ADGRL4: variants seen among roughly 807,000 people sequenced by gnomAD.
ADGRL4 encodes the protein EGF, latrophilin and seven transmembrane domain containing 1.
Under a neutral mutation model 74.8 loss-of-function variants are expected in ADGRL4, and 90 were observed. The ratio of observed to expected loss-of-function variants is 1.20; its 90% CI spans 1.02 to 1.43. ADGRL4 has a LOEUF of 1.43. ADGRL4 is among the 40% of genes most tolerant of loss of function. The pLI is 0.00. For synonymous variants in ADGRL4, 311 were observed against 279.2 expected, an observed-to-expected ratio of 1.11 and a Z score of -1.14; for missense variants, 881 against 814.3, an observed-to-expected ratio of 1.08 and a Z score of -1.00.
intron 2 of ADGRL4, among the ~76,000 whole-genome samples, chr1:78,986,126 C>A (rs1030173789): frequency 6.6e-5 from 10 of 151,680 alleles, no homozygotes; most frequent in African/African-American, 1.9e-4. Flanking sequence ...CTGTGACACA[C>A]AATTTACGTA....
chr1:78,920,300 G>A lies in ADGRL4; in HGVS notation c.1344C>T (p.Thr448=). 6.2e-7 allele frequency: 1 copy of A among 1,611,396 alleles called. No homozygotes were observed. The highest frequency in any genetic ancestry group is 1.3e-5 in the African/African-American group (1 of 74,844). The change falls in exon 10 of 15, where the codon ACC becomes ACT. Residue 448 remains threonine (T), a synonymous_variant. Coordinates refer to ENST00000370742, the MANE Select transcript of ADGRL4 (RefSeq NM_022159.4). ...TTTGAATTTCACTGAAGAACCAGAAGGTAAAAATGCATATGGCAAGACAAA... is the reference window on the plus strand; with the variant it reads ...TTTGAATTTCACTGAAGAACCAGAAAGTAAAAATGCATATGGCAAGACAAA... ...SLICLAICIF[T]FWFFSEIQST... is the part of the protein sequence containing the mutation.
At chr1:78,912,105 C>T (rs1257590357) in intron 12 of ADGRL4, among the ~76,000 whole-genome samples, 2 of 151,828 alleles carry the variant, frequency 1.3e-5, no homozygotes, top group Non-Finnish European at 2.9e-5. Context: ...GAATGCAGCT[C>T]CCCAAAGACC....
Position 78,985,514 on chromosome 1 carries a change from T to G in ADGRL4, c.172+19556A>C, listed in dbSNP as rs188134927. 9.2e-5 allele frequency among the ~76,000 whole-genome samples: 14 copies of G among 152,002 alleles called. No homozygotes were observed. In the East Asian group the frequency reaches 2.7e-3, roughly 29 times the overall value. ...TAGTATGTTAATTTCGACCTTTAAC[T>G]GTTGTTACACAATTGGTATAATATA... On this transcript the variant is annotated intron_variant, in intron 2 of 14. Transcript: ENST00000370742.
intron 8 of ADGRL4, among the ~76,000 whole-genome samples, chr1:78,924,343 T>G (rs1649069544): frequency 6.6e-6 from 1 of 152,064 alleles, no homozygotes; most frequent in Admixed American, 6.6e-5. Context: ...TGACCTTCTC[T>G]GCTTCCTCTT....
chr1:78,957,190 A>G (rs2100704632), intron 2 of ADGRL4, among the ~76,000 whole-genome samples: 1 of 152,192 alleles, frequency 6.6e-6, no homozygotes, highest in Admixed American at 6.5e-5. Flanking sequence ...AGCCCTCCCT[A>G]TTTCCTGAGA....
intron 2 of ADGRL4, among the ~76,000 whole-genome samples, chr1:78,988,211 G>C (rs1289867136): frequency 6.6e-6 from 1 of 151,668 alleles, no homozygotes; most frequent in Non-Finnish European, 1.5e-5. Flanking sequence ...AACTTAAGTT[G>C]ATGATCAGCT....
chr1:78,934,508 CA>C (rs1649313543), intron 7 of ADGRL4, among the ~76,000 whole-genome samples: 1 of 151,994 alleles, frequency 6.6e-6, no homozygotes, highest in Non-Finnish European at 1.5e-5. Context: ...AACTTCATGA[CA>C]AAAACACCAA....
At chr1:79,001,114 C>T (rs6695019) in intron 2 of ADGRL4, among the ~76,000 whole-genome samples, 63,707 of 144,102 alleles carry the variant, frequency 0.44, 13,705 homozygotes, top group East Asian at 0.6. Context: ...AAAGAGAGAA[C>T]GAAGGAAAAG....
intron 2 of ADGRL4, among the ~76,000 whole-genome samples, chr1:78,961,078 C>G (rs574769202): frequency 6.6e-6 from 1 of 151,728 alleles, no homozygotes; most frequent in African/African-American, 2.4e-5. Flanking sequence ...TTTTATGACT[C>G]TATATACTTC....
At chr1:78,896,405 G>A (rs908635703) in intron 12 of ADGRL4, among the ~76,000 whole-genome samples, 1 of 152,018 alleles carries the variant, frequency 6.6e-6, no homozygotes, top group African/African-American at 2.4e-5. Context: ...AATAGGCATT[G>A]TGAGTTAAAG....
rs1570203630 is a variant in ADGRL4 at position 78,891,226 on chromosome 1, A to T, written c.2011-10T>A. 1 of 1,207,616 alleles carries T rather than the reference A, an allele frequency of 8.3e-7. No individual in the cohort carries two copies. Among genetic ancestry groups the T allele is most frequent in the East Asian group, 2.2e-5 (1 of 44,520 alleles). 74.8% of individuals were successfully genotyped at this position (1,207,616 alleles called of 1,614,324 possible). ...AATATTCTTCTTGAATCTAAAAATT[A>T]AAAAAAGGAAAGGAAGAAATGTTAA... On this transcript the variant is annotated splice_polypyrimidine_tract_variant and intron_variant, in intron 14 of 14. Coordinates refer to ENST00000370742, the MANE Select transcript of ADGRL4 (RefSeq NM_022159.4).
intron 2 of ADGRL4, among the ~76,000 whole-genome samples, chr1:78,981,075 G>A (rs1650388642): frequency 6.6e-6 from 1 of 151,764 alleles, no homozygotes; most frequent in African/African-American, 2.4e-5. Flanking sequence ...TAATCTTTGT[G>A]ACACCTCTCA....
rs575856945 is a variant in ADGRL4, at chr1:78,971,200, C to T, written c.173-24774G>A. Among the ~76,000 whole-genome samples the T allele has an allele frequency of 4.5e-4, 68 of 152,168 alleles. 1 individual carries two copies. The highest frequency in any genetic ancestry group is 8.4e-4 in the Non-Finnish European group (57 of 68,020). ...CTGCTATTTTCCCCAAACAGCACCC[C>T]CTGACAGCAGGAAGCAGTTAAGATA... On this transcript the variant is annotated intron_variant, in intron 2 of 14. Coordinates refer to ENST00000370742, the MANE Select transcript of ADGRL4 (RefSeq NM_022159.4).
chr1:78,983,942 G>C (rs574231195), intron 2 of ADGRL4, among the ~76,000 whole-genome samples: 1 of 151,866 alleles, frequency 6.6e-6, no homozygotes, highest in East Asian at 1.9e-4. Flanking sequence ...GCCATCTTCA[G>C]ATAAACAAAC....
intron 2 of ADGRL4, among the ~76,000 whole-genome samples, chr1:79,001,202 GAA>G (rs1650834957): frequency 5.1e-5 from 4 of 79,206 alleles, no homozygotes; most frequent in Non-Finnish European, 8.0e-5. Context: ...AGGAAGGAAG[GAA>G]GGAAGGGAGG....
intron 12 of ADGRL4, among the ~76,000 whole-genome samples, chr1:78,917,290 T>C (rs535085723): frequency 2.4e-3 from 368 of 151,936 alleles, no homozygotes; most frequent in African/African-American, 8.2e-3. Flanking sequence ...AAGCAAAAAA[T>C]GCTTTTTCCT....
At chr1:78,927,233 C>T (rs762367429) in intron 7 of ADGRL4, 142 bp from the exon 8 acceptor site, 2 of 614,676 alleles carry the variant, frequency 3.3e-6, no homozygotes, top group Non-Finnish European at 5.7e-6. Context: ...ATATAGACCA[C>T]AATAAGCCTA....
chr1:78,964,498 C>T (rs185452476), intron 2 of ADGRL4, among the ~76,000 whole-genome samples: 93 of 152,284 alleles, frequency 6.1e-4, no homozygotes, highest in African/African-American at 2.1e-3. Context: ...CTGTAGGCAG[C>T]TTAGATTAGG....
intron 2 of ADGRL4, among the ~76,000 whole-genome samples, chr1:78,948,792 C>A (rs903363475): frequency 3.9e-5 from 6 of 151,968 alleles, no homozygotes; most frequent in African/African-American, 1.4e-4. Flanking sequence ...ATAGTTCAAC[C>A]ATATTAGGTT....
Sources: allele counts gnomAD v4.1 joint callset (sites outside exome capture counted in the v4.1 genomes callset), GRCh38; gene constraint gnomAD v4.1.1; transcripts MANE v1.5; gene names NCBI Gene and HGNC (gene_info 2026-07-23, HGNC 2026-07-21).